AHCYL2: variants seen among roughly 807,000 people sequenced by gnomAD.
AHCYL2 encodes the protein adenosylhomocysteinase like 2.
Under a neutral mutation model 81.4 loss-of-function variants are expected in AHCYL2, and 28 were observed. The ratio of observed to expected loss-of-function variants is 0.34; its 90% CI spans 0.25 to 0.47. The LOEUF (loss-of-function observed/expected upper bound fraction) is 0.47. Among genes scored for constraint, AHCYL2 ranks in the 20% least tolerant of loss-of-function variants. The pLI, the probability that AHCYL2 is intolerant of heterozygous loss-of-function variation, is 1.00. For synonymous variants in AHCYL2, 272 were observed against 290.2 expected, an observed-to-expected ratio of 0.94 and a Z score of 0.64; for missense variants, 551 against 785.1, an observed-to-expected ratio of 0.70 and a Z score of 3.56.
At chr7:129,404,372 G>GA (rs933946521) in intron 7 of AHCYL2, among the ~76,000 whole-genome samples, 10 of 148,714 alleles carry the variant, frequency 6.7e-5, no homozygotes, top group Admixed American at 2.0e-4. Flanking sequence ...CTAAAAGTAT[G>GA]AAAAAAAAAA....
At chr7:129,288,516 C>T (rs958036257) in intron 1 of AHCYL2, among the ~76,000 whole-genome samples, 8 of 152,152 alleles carry the variant, frequency 5.3e-5, no homozygotes, top group South Asian at 2.1e-4. Context: ...CCCGCCACCA[C>T]GCCTGGCTAA....
At chr7:129,405,351 T>A in intron 8 of AHCYL2, 138 bp downstream of exon 8, 1 of 488,638 alleles carries the variant, frequency 2.0e-6, no homozygotes. Flanking sequence ...TGTCACCTCA[T>A]AAATTAAAAT....
At position 129,284,640 on chromosome 7, in the gene AHCYL2, G is replaced by A. The variant is rs79284738; in HGVS notation, c.363+59201G>A. ...AAAAAGCTTGGAATAGTTGTTTGGG[G>A]GCCATCCTGAGACAATGTGATTCTC... On this transcript the variant is annotated intron_variant, in intron 1 of 16. Coordinates refer to ENST00000325006, the MANE Select transcript of AHCYL2 (RefSeq NM_015328.4). Among the ~76,000 whole-genome samples, 503 of 151,876 alleles carry A rather than the reference G, an allele frequency of 3.3e-3. 1 individual carries two copies. The highest frequency in any genetic ancestry group is 0.012 in the African/African-American group (486 of 41,446).
intron 10 of AHCYL2, among the ~76,000 whole-genome samples, chr7:129,407,737 T>C (rs1235517289): frequency 1.3e-5 from 2 of 152,184 alleles, no homozygotes; most frequent in Admixed American, 1.3e-4. Flanking sequence ...ATAAATGAGA[T>C]AAGGTCCTGC....
At chr7:129,414,034 G>T (rs1414040244) in intron 12 of AHCYL2, among the ~76,000 whole-genome samples, 1 of 152,194 alleles carries the variant, frequency 6.6e-6, no homozygotes, top group African/African-American at 2.4e-5. Context: ...AATCAGTATG[G>T]TAGTCAGTAT....
intron 1 of AHCYL2, among the ~76,000 whole-genome samples, chr7:129,290,173 CAAAT>C (rs780717639): frequency 1.3e-5 from 2 of 152,120 alleles, no homozygotes; most frequent in African/African-American, 2.4e-5. Context: ...CAATAAATGT[CAAAT>C]GAATGAGTTG....
At chr7:129,380,618 T>C (rs1045262469) in intron 2 of AHCYL2, among the ~76,000 whole-genome samples, 3 of 152,230 alleles carry the variant, frequency 2.0e-5, no homozygotes, top group African/African-American at 4.8e-5. Flanking sequence ...AGATTATTTA[T>C]ATACTTTTTA....
At chr7:129,225,560 C>T (rs1301934725) in intron 1 of AHCYL2, 121 bp downstream of exon 1, 4 of 1,377,004 alleles carry the variant, frequency 2.9e-6, no homozygotes, top group East Asian at 6.2e-5. Context: ...GGAGATACCC[C>T]TTGTCCCCTT....
intron 4 of AHCYL2, among the ~76,000 whole-genome samples, chr7:129,394,110 G>A (rs1322027189): frequency 1.3e-5 from 2 of 151,944 alleles, no homozygotes; most frequent in Non-Finnish European, 2.9e-5. Flanking sequence ...CTGGGCTCAA[G>A]CGATCCTCCT....
At chr7:129,400,224 C>A in intron 5 of AHCYL2, 66 bp from the exon 6 acceptor site, 1 of 1,393,486 alleles carries the variant, frequency 7.2e-7, no homozygotes, top group Non-Finnish European at 1.0e-6. Flanking sequence ...AGAATCTTCT[C>A]ACTAAAATTA....
chr7:129,367,456 T>C (rs1794164224), intron 1 of AHCYL2, among the ~76,000 whole-genome samples: 1 of 152,182 alleles, frequency 6.6e-6, no homozygotes, highest in Non-Finnish European at 1.5e-5. Flanking sequence ...AATTCTGAAG[T>C]GTGCAGCAAG....
chr7:129,255,470 G>A (rs1033048854), intron 1 of AHCYL2, among the ~76,000 whole-genome samples: 1 of 152,196 alleles, frequency 6.6e-6, no homozygotes, highest in African/African-American at 2.4e-5. Context: ...GAGTTCAACA[G>A]TCATATGTGG....
chr7:129,382,776 C>T (rs183810358), intron 2 of AHCYL2, among the ~76,000 whole-genome samples: 19 of 152,002 alleles, frequency 1.2e-4, no homozygotes, highest in African/African-American at 4.3e-4. Context: ...TGTGGTGGCA[C>T]ATGCCTGTAA....
intron 1 of AHCYL2, among the ~76,000 whole-genome samples, chr7:129,311,267 T>C (rs1396692744): frequency 6.6e-6 from 1 of 152,234 alleles, no homozygotes; most frequent in Admixed American, 6.5e-5. Flanking sequence ...AATAGGACGA[T>C]TGGCCTTATT....
intron 1 of AHCYL2, among the ~76,000 whole-genome samples, chr7:129,235,713 A>G (rs1056876152): frequency 6.6e-6 from 1 of 152,234 alleles, no homozygotes; most frequent in African/African-American, 2.4e-5. Flanking sequence ...TTGTACATAA[A>G]TAAAAGCATA....
chr7:129,263,772 A>T (rs986820352), intron 1 of AHCYL2, among the ~76,000 whole-genome samples: 4 of 152,242 alleles, frequency 2.6e-5, no homozygotes, highest in Non-Finnish European at 4.4e-5. Context: ...GAGTAAAAGC[A>T]GGAAGAACAG....
intron 1 of AHCYL2, among the ~76,000 whole-genome samples, chr7:129,343,460 A>G (rs1182769435): frequency 1.3e-5 from 2 of 152,156 alleles, no homozygotes; most frequent in Non-Finnish European, 2.9e-5. Flanking sequence ...TTCGAAGACT[A>G]TTTTGTGCTT....
intron 5 of AHCYL2, among the ~76,000 whole-genome samples, chr7:129,397,813 T>C (rs946046321): frequency 1.3e-5 from 2 of 152,336 alleles, no homozygotes; most frequent in South Asian, 4.1e-4. Context: ...ATAGAGAAAT[T>C]TGGACTTTGC....
chr7:129,250,303 A>C (rs1355669261), intron 1 of AHCYL2, among the ~76,000 whole-genome samples: 3 of 152,234 alleles, frequency 2.0e-5, no homozygotes, highest in Non-Finnish European at 4.4e-5. Context: ...GTTGGTATGC[A>C]AATATCTGTT....
Sources: gnomAD v4.1 joint callset for allele counts (sites outside exome capture counted in the v4.1 genomes callset) on GRCh38, gnomAD v4.1.1 for gene constraint, MANE v1.5 for transcripts, NCBI Gene and HGNC (gene_info 2026-07-23, HGNC 2026-07-21) for gene names.